The following NLRP8 variants were observed in gnomAD, a reference collection of about 807,000 sequenced individuals.
The protein encoded by NLRP8 is NACHT, LRR and PYD domains-containing protein 8.
NLRP8 carries 86 observed loss-of-function variants against 88.7 expected under a neutral mutation model. That is an observed-to-expected ratio of 0.97 (90% CI 0.81 to 1.16). The LOEUF (loss-of-function observed/expected upper bound fraction) is 1.16, where lower values mean the gene tolerates loss of function less well. NLRP8 is among the 50% of genes most tolerant of loss of function. The probability of loss-of-function intolerance (pLI) is 0.00; values close to 1 mark genes in which losing one functional copy is unlikely to be tolerated. For synonymous variants in NLRP8, 504 were observed against 494.6 expected (o/e 1.02, Z -0.25); for missense variants, 1,342 against 1,286.5 (o/e 1.04, Z -0.66).
chr19:55,964,774 G>T (rs1173680334), intron 4 of NLRP8, among the ~76,000 whole-genome samples: 3 of 150,506 alleles, frequency 2.0e-5, no homozygotes, highest in African/African-American at 7.3e-5. Context: ...AAGAAAAAAA[G>T]AACTAGTTAG....
At chr19:55,980,479 G>A (rs1790559467) in intron 9 of NLRP8, among the ~76,000 whole-genome samples, 1 of 152,180 alleles carries the variant, frequency 6.6e-6, no homozygotes, top group Admixed American at 6.5e-5. Flanking sequence ...GATGTAACTG[G>A]GAGGTTCTAG....
At chr19:55,961,401 G>A (rs1007989415) in intron 3 of NLRP8, among the ~76,000 whole-genome samples, 1 of 152,000 alleles carries the variant, frequency 6.6e-6, no homozygotes, top group Admixed American at 6.6e-5. Context: ...CCTTTATTCT[G>A]ATCCTATATT....
chr19:55,973,720 T>C lies in NLRP8; in HGVS notation c.2603T>C (p.Met868Thr). The C allele has an allele frequency of 6.2e-7, 1 of 1,614,096 alleles. No individual in the cohort carries two copies. Among genetic ancestry groups the C allele is most frequent in the Non-Finnish European group, 8.5e-7 (1 of 1,179,992 alleles). ...GCCTCCTGTCTCAGGCAGAGTAAGA[T>C]GCTGACCCACCTGAGCTTGGCAGAA... The change falls in exon 7 of 10, where the codon ATG becomes ACG. Residue 868 changes from methionine (M) to threonine (T), a missense_variant. Physicochemically the swap from Met to Thr is moderately conservative, Grantham distance 81 (BLOSUM62 -1). Transcript: ENST00000291971.
intron 3 of NLRP8, 45 bp from the exon 4 acceptor site, chr19:55,962,022 C>G (rs752193085): frequency 6.3e-7 from 1 of 1,592,746 alleles, no homozygotes; most frequent in Non-Finnish European, 8.6e-7. Flanking sequence ...TAGATTTTCT[C>G]CAGTTTAACG....
intron 8 of NLRP8, among the ~76,000 whole-genome samples, chr19:55,978,716 C>T (rs979134267): frequency 1.1e-4 from 17 of 152,126 alleles, no homozygotes; most frequent in African/African-American, 3.4e-4. Flanking sequence ...ATGTGCCTCC[C>T]CAACTTTTCA....
chr19:55,953,092 A>G (rs894262421), intron 2 of NLRP8, among the ~76,000 whole-genome samples: 3 of 152,082 alleles, frequency 2.0e-5, no homozygotes, highest in Admixed American at 6.6e-5. Flanking sequence ...GCTGCTCCCT[A>G]TTGCTCACAT....
At chr19:55,949,324 A>C (rs960467515) in intron 1 of NLRP8, among the ~76,000 whole-genome samples, 3 of 151,768 alleles carry the variant, frequency 2.0e-5, no homozygotes, top group Non-Finnish European at 4.4e-5. Context: ...TGCAACCTCC[A>C]CCTCCCAGGT....
chr19:55,959,530 A>G (rs1440394196), intron 3 of NLRP8, among the ~76,000 whole-genome samples: 1 of 152,124 alleles, frequency 6.6e-6, no homozygotes, highest in Non-Finnish European at 1.5e-5. Context: ...TTTTTTTAAA[A>G]GGAATTGCTG....
At chr19:55,951,638 A>G (rs944149911) in intron 1 of NLRP8, among the ~76,000 whole-genome samples, 3 of 152,362 alleles carry the variant, frequency 2.0e-5, no homozygotes, top group African/African-American at 7.2e-5. Flanking sequence ...GTAAAATGGC[A>G]TAGTATTTGC....
At chr19:55,948,722 G>C (rs185931550) in intron 1 of NLRP8, among the ~76,000 whole-genome samples, 217 of 152,320 alleles carry the variant, frequency 1.4e-3, no homozygotes, top group African/African-American at 5.0e-3. Flanking sequence ...GCAGGTGTGA[G>C]CCACTGTGCC....
Position 55,948,252 on chromosome 19 carries a change from T to C in NLRP8, c.350T>C (p.Val117Ala), listed in dbSNP as rs1243302219. The change falls in exon 1 of 10, where the codon GTC (valine) becomes GCC (alanine). Residue 117 changes from valine (V) to alanine (A), a missense_variant. Val to Ala is a moderately conservative substitution (Grantham distance 64). Transcript: ENST00000291971. ...AACTGTGATAAAATGTGTGTTGTAG[T>C]CCGCAGAGAGATAAATGGTGAGTGT... 4.3e-6 allele frequency: 7 copies of C among 1,612,902 alleles called. No individual in the cohort carries two copies. The highest frequency in any genetic ancestry group is 5.9e-6 in the Non-Finnish European group (7 of 1,178,990).
At chr19:55,980,587 C>T (rs770200117) in intron 9 of NLRP8, among the ~76,000 whole-genome samples, 7 of 151,844 alleles carry the variant, frequency 4.6e-5, no homozygotes, top group Non-Finnish European at 1.0e-4. Context: ...CTGTGGGCGG[C>T]GGGGGGGCCT....
chr19:55,986,447 C>G (rs1311642509), intron 9 of NLRP8, among the ~76,000 whole-genome samples: 5 of 55,156 alleles, frequency 9.1e-5, no homozygotes, highest in African/African-American at 3.1e-4. Context: ...CATGCACTCT[C>G]TCTCTCACAC....
rs768119392 is a variant in NLRP8 at position 55,955,879 on chromosome 19, G to A, written c.1821G>A (p.Pro607=). The A allele has an allele frequency of 1.4e-5, 22 of 1,614,018 alleles. No individual in the cohort carries two copies. The highest frequency in any genetic ancestry group is 4.0e-5 in the African/African-American group (3 of 74,922). ...CACCTTCTCCGGGCAGTGGGGTCCC[G>A]CAGTTATTCTACTGTCTGCATGAAA... is the stretch of plus-strand genomic sequence containing the variant. Residue 607 remains proline (P), a synonymous_variant, in exon 3 of 10, where the codon CCG becomes CCA. Coordinates refer to ENST00000291971, the MANE Select transcript of NLRP8 (RefSeq NM_176811.2).
Position 55,954,683 on chromosome 19 carries a change from C to G in NLRP8, c.625C>G (p.Gln209Glu), listed in dbSNP as rs955391803. ...TAGACAGCCCAAGACCGTGGCCATA[C>G]AGGGAGCTCCTGGGATCGGAAAAAC... Residue 209 changes from glutamine to glutamate, a missense_variant, in exon 3 of 10, where the codon CAG (glutamine) becomes GAG (glutamate). Coordinates refer to ENST00000291971, the MANE Select transcript of NLRP8 (RefSeq NM_176811.2). 16 of 1,614,186 alleles carry G rather than the reference C, an allele frequency of 9.9e-6. No homozygotes were observed. The South Asian group carries it at 1.2e-4, about 12-fold the overall frequency.
At chr19:55,953,515 G>T (rs968344850) in intron 2 of NLRP8, among the ~76,000 whole-genome samples, 1 of 150,832 alleles carries the variant, frequency 6.6e-6, no homozygotes, top group Non-Finnish European at 1.5e-5. Flanking sequence ...TATTTTTTTT[G>T]AGACGGAGTC....
At chr19:55,983,463 C>CAAAAAAAAAAAAAAAA (rs3974175) in intron 9 of NLRP8, among the ~76,000 whole-genome samples, 2 of 85,326 alleles carry the variant, frequency 2.3e-5, no homozygotes, top group African/African-American at 5.0e-5. Flanking sequence ...GACTCCATCT[C>CAAAAAAAAAAAAAAAA]AAAAAAAAAA....
In NLRP8 at chr19:55,973,755, A is replaced by C. The variant is rs1276350550; in HGVS notation, c.2638A>C (p.Lys880Gln). ...CCTGAGCTTGGCAGAAAACGCCTTG[A>C]AAGATGAAGGGGCCAAGCATATTTG... is the stretch of plus-strand genomic sequence containing the variant. The change falls in exon 7 of 10, where the codon AAA becomes CAA. Residue 880 changes from lysine (K) to glutamine (Q), a missense_variant. Transcript: ENST00000291971. The C allele has an allele frequency of 4.3e-6, 7 of 1,614,120 alleles. No individual in the cohort carries two copies. The South Asian group carries it at 7.7e-5, about 18-fold the overall frequency.
At chr19:55,987,092 G>A (rs1190633178) in intron 9 of NLRP8, among the ~76,000 whole-genome samples, 1 of 152,238 alleles carries the variant, frequency 6.6e-6, no homozygotes, top group East Asian at 1.9e-4. Flanking sequence ...CAGAGGGCTG[G>A]GTGCAGTGGC....
Sources: allele counts gnomAD v4.1 joint callset (sites outside exome capture counted in the v4.1 genomes callset), GRCh38; gene constraint gnomAD v4.1.1; transcripts MANE v1.5; gene names NCBI Gene and HGNC (gene_info 2026-07-23, HGNC 2026-07-21).